Variants in SETX observed in about 807,000 individuals in gnomAD.
SETX encodes helicase senataxin.
Under a neutral mutation model 227.2 loss-of-function variants are expected in SETX, and 90 were observed. That is an observed-to-expected ratio of 0.40 (90% CI 0.33 to 0.47). The LOEUF (loss-of-function observed/expected upper bound fraction) is 0.47, where lower values mean the gene tolerates loss of function less well. Ranked by LOEUF, SETX falls within the 20% of genes least tolerant of loss-of-function variation. The pLI is 0.91. For missense variants in SETX, 3,052 were observed against 3,181.5 expected, an observed-to-expected ratio of 0.96 and a Z score of 0.98; for synonymous variants, 1,210 against 1,113.2, an observed-to-expected ratio of 1.09 and a Z score of -1.73.
At chr9:132,349,064 C>T (rs1374688753) in intron 3 of SETX, among the ~76,000 whole-genome samples, 188 bp downstream of exon 3, 1 of 151,816 alleles carries the variant, frequency 6.6e-6, no homozygotes, top group African/African-American at 2.4e-5. Context: ...CACTCCACTG[C>T]ACTCCAGCCT....
chr9:132,300,583 TG>T (rs768830288), intron 12 of SETX, 46 bp downstream of exon 12: 14 of 1,576,970 alleles, frequency 8.9e-6, no homozygotes, highest in Non-Finnish European at 1.7e-6. Flanking sequence ...GATTATTAGA[TG>T]AGACTGTATC....
intron 4 of SETX, among the ~76,000 whole-genome samples, chr9:132,345,494 G>C (rs1848233404): frequency 6.6e-6 from 1 of 152,146 alleles, no homozygotes; most frequent in Admixed American, 6.5e-5. Context: ...GGCTGGTCTT[G>C]AACTCCTGAC....
At chr9:132,325,163 T>C (rs1237315072) in intron 10 of SETX, among the ~76,000 whole-genome samples, 2 of 152,004 alleles carry the variant, frequency 1.3e-5, no homozygotes, top group Non-Finnish European at 2.9e-5. Flanking sequence ...GAGACCATCC[T>C]GGCTAACATG....
Position 132,275,566 on chromosome 9 carries a change from A to C in SETX, c.6936-146T>G, listed in dbSNP as rs1045897057. The C allele has an allele frequency of 4.5e-6, 3 of 664,724 alleles. No individual in the cohort carries two copies. In the Admixed American group the frequency reaches 8.3e-5, roughly 18 times the overall value. 41.2% of individuals were successfully genotyped at this position (664,724 alleles called of 1,614,324 possible). Reference sequence around the variant, plus strand: ...TTTTATTCAGCTAGCAGTGACTCCAAGAGGCTGTTACAATGACCATTAATA... The same window carrying C: ...TTTTATTCAGCTAGCAGTGACTCCACGAGGCTGTTACAATGACCATTAATA... On this transcript the variant is annotated intron_variant, in intron 22 of 25. Coordinates refer to ENST00000224140, the MANE Select transcript of SETX (RefSeq NM_015046.7).
chr9:132,350,050 G>A (rs1276871774), intron 2 of SETX, among the ~76,000 whole-genome samples: 1 of 152,166 alleles, frequency 6.6e-6, no homozygotes, highest in Admixed American at 6.6e-5. Flanking sequence ...AAGGTTAGAA[G>A]GAGGTTAAAA....
chr9:132,337,542 ATTT>A (rs1039672190), intron 5 of SETX, among the ~76,000 whole-genome samples: 7 of 152,198 alleles, frequency 4.6e-5, no homozygotes, highest in African/African-American at 1.7e-4. Context: ...CAAGGAAAAC[ATTT>A]TTTACTACAG....
At position 132,329,897 on chromosome 9, in the gene SETX, T is replaced by C. The variant is rs762998284; in HGVS notation, c.1701A>G (p.Arg567=). The C allele has an allele frequency of 1.2e-5, 20 of 1,614,046 alleles. No individual in the cohort carries two copies. The highest frequency in any genetic ancestry group is 1.6e-5 in the Non-Finnish European group (19 of 1,180,036). The change falls in exon 10 of 26, where the codon AGA becomes AGG. Residue 567 remains arginine, a synonymous_variant. Coordinates refer to ENST00000224140, the MANE Select transcript of SETX (RefSeq NM_015046.7). The stretch of plus-strand genomic sequence containing the variant: ...ACTGCCAACCTAGAGATAAATTTCC[T>C]CTAAGGAATAAGTTGAGCTTATCCC... The part of the protein sequence containing the change: ...RFWDKLNLFL[R]GNLSLGWQLT...
At chr9:132,309,208 A>G (rs762018178) in intron 11 of SETX, among the ~76,000 whole-genome samples, 18 of 152,160 alleles carry the variant, frequency 1.2e-4, no homozygotes, top group Non-Finnish European at 2.4e-4. Context: ...CTTCTTATAA[A>G]GCTAGATTAA....
Position 132,326,527 on chromosome 9 carries a change from G to C in SETX, c.5071C>G (p.Leu1691Val), listed in dbSNP as rs756770572. Residue 1691 changes from leucine (L) to valine (V), a missense_variant, in exon 10 of 26, where the codon CTT becomes GTT. Transcript: ENST00000224140. ...YFPSSSPVNI[L>V]LSSQSVSDTF... ...TCAGAGACAGACTGTGATGACAAAA[G>C]AATGTTTACTGGAGAGGAAGATGGA... The C allele has an allele frequency of 6.2e-7, 1 of 1,614,156 alleles. No homozygotes were observed. The highest frequency in any genetic ancestry group is 8.5e-7 in the Non-Finnish European group (1 of 1,180,030).
Position 132,333,438 on chromosome 9 carries a change from C to T in SETX, c.838+1170G>A, listed in dbSNP as rs1238348646. Among the ~76,000 whole-genome samples, 7 of 140,044 alleles carry T rather than the reference C, an allele frequency of 5.0e-5. 1 individual carries two copies. Among genetic ancestry groups the T allele is most frequent in the African/African-American group, 1.9e-4 (7 of 37,154 alleles). 91.9% of individuals were successfully genotyped at this position (140,044 alleles called of 152,430 possible). On this transcript the variant is annotated intron_variant, in intron 7 of 25. Transcript: ENST00000224140. ...ATATACACACACACACACACACACACACACACACACACACACACACGCCCT... is the reference window on the plus strand; with the variant it reads ...ATATACACACACACACACACACACATACACACACACACACACACACGCCCT...
In SETX at chr9:132,315,772, AAATCTCCG is replaced by A. The variant is rs1845929240; in HGVS notation, c.5275-3924_5275-3917del. Among the ~76,000 whole-genome samples, 4 of 152,318 alleles carry A rather than the reference AAATCTCCG, an allele frequency of 2.6e-5. No individual in the cohort carries two copies. The South Asian group carries it at 8.3e-4, about 32-fold the overall frequency. On this transcript the variant is annotated intron_variant, in intron 10 of 25. Transcript: ENST00000224140. ...TACCCATCTCAGGTAGAGCTAATCC[AAATCTCCG>A]GTTCGTGATGCAGTGTCAGGAGTCT...
chr9:132,267,034 A>G (rs1269490817), intron 25 of SETX, among the ~76,000 whole-genome samples: 1 of 152,258 alleles, frequency 6.6e-6, no homozygotes, highest in East Asian at 1.9e-4. Context: ...AAATCTGTCT[A>G]AAGTCTTAAG....
At position 132,326,867 on chromosome 9, in the gene SETX, A is replaced by T; in HGVS notation, c.4731T>A (p.Asp1577Glu). 6.2e-7 allele frequency: 1 copy of T among 1,614,220 alleles called. No individual in the cohort carries two copies. Among genetic ancestry groups the T allele is most frequent in the Non-Finnish European group, 8.5e-7 (1 of 1,180,038 alleles). ...GAGGCAAGCCAGGTTTACGAAATAC[A>T]TCTTCATCTGCTGCTTTCACTTCAG... ...KHSEVKAADE[D>E]VFRKPGLPPP... The change falls in exon 10 of 26, where the codon GAT becomes GAA. Residue 1577 changes from aspartate (D) to glutamate (E), a missense_variant. By Grantham distance (45) the Asp-to-Glu change is conservative. Transcript: ENST00000224140.
At chr9:132,304,885 T>C (rs1010741955) in intron 11 of SETX, among the ~76,000 whole-genome samples, 6 of 151,904 alleles carry the variant, frequency 3.9e-5, no homozygotes, top group African/African-American at 1.5e-4. Context: ...TAATCCCAGC[T>C]GCTTGGGAGG....
At chr9:132,276,951 G>A (rs961811476) in intron 22 of SETX, 109 bp downstream of exon 22, 6 of 939,344 alleles carry the variant, frequency 6.4e-6, no homozygotes, top group Non-Finnish European at 1.0e-5. Flanking sequence ...ACTGTGCCCT[G>A]ACACTAGGCA....
intron 25 of SETX, 102 bp from the exon 26 acceptor site, chr9:132,265,087 T>C (rs1842573955): frequency 2.3e-6 from 3 of 1,328,484 alleles, no homozygotes; most frequent in Non-Finnish European, 2.1e-6. Flanking sequence ...TACATATTAT[T>C]GTATGAACAT....
chr9:132,295,198 G>A lies in SETX; in HGVS notation c.6106+674C>T, dbSNP rs530444407. On this transcript the variant is annotated intron_variant, in intron 15 of 25. Transcript: ENST00000224140. ...TGCTCATTATTATCTACATTCTACC[G>A]AAAAAAGTTATCCCTCTAGTGTATT... Among the ~76,000 whole-genome samples, 124 of 152,172 alleles carry A rather than the reference G, an allele frequency of 8.1e-4. 1 individual carries two copies. The highest frequency in any genetic ancestry group is 2.2e-3 in the African/African-American group (91 of 41,518).
At position 132,278,225 on chromosome 9, in the gene SETX, C is replaced by CGTTG; in HGVS notation, c.6686_6687insCAAC (p.Met2229IlefsTer43). 10 of 1,614,156 alleles carry CGTTG rather than the reference C, an allele frequency of 6.2e-6. No homozygotes were observed. The highest frequency in any genetic ancestry group is 8.5e-6 in the Non-Finnish European group (10 of 1,180,022). ...CCAGCAGTCTGCAGAAGCGAGCCAT[C>CGTTG]ATTGACTGGTCGTAGCCATACTCCT... On this transcript the variant is annotated frameshift_variant, in exon 21 of 26. Coordinates refer to ENST00000224140, the MANE Select transcript of SETX (RefSeq NM_015046.7). LOFTEE classifies it high-confidence loss of function.
chr9:132,288,495 T>C, intron 16 of SETX, 55 bp downstream of exon 16: 2 of 1,503,752 alleles, frequency 1.3e-6, no homozygotes, highest in East Asian at 2.3e-5. Flanking sequence ...GCCCAAGTCA[T>C]TTTCCACCAA....
Sources: allele counts gnomAD v4.1 joint callset (sites outside exome capture counted in the v4.1 genomes callset), GRCh38; gene constraint gnomAD v4.1.1; transcripts MANE v1.5; gene names NCBI Gene and HGNC (gene_info 2026-07-23, HGNC 2026-07-21).